The following TMEM201 variants were observed in gnomAD, a reference collection of about 807,000 sequenced individuals.
TMEM201 encodes transmembrane protein 201, also known as RP13-15M17.2.
A neutral mutation model predicts 63.4 loss-of-function variants in TMEM201; 26 were observed. The observed-to-expected ratio is 0.41, with a 90% CI of 0.30 to 0.57. The LOEUF (loss-of-function observed/expected upper bound fraction) is 0.57. Among genes scored for constraint, TMEM201 ranks in the 20% least tolerant of loss-of-function variants. The probability of loss-of-function intolerance (pLI) is 0.29; values close to 1 mark genes in which losing one functional copy is unlikely to be tolerated. For synonymous variants in TMEM201, 417 were observed against 421.6 expected (o/e 0.99, Z 0.14); for missense variants, 794 against 917.7 (o/e 0.87, Z 1.74).
intron 7 of TMEM201, 109 bp from the exon 8 acceptor site, chr1:9,609,731 C>G (rs1644294801): frequency 9.2e-7 from 1 of 1,088,050 alleles, no homozygotes; most frequent in African/African-American, 1.6e-5. Flanking sequence ...TCCATGAAAG[C>G]ACATTTGTAA....
Position 9,601,070 on chromosome 1 carries a change from C to G in TMEM201, c.607-35C>G, listed in dbSNP as rs144444161. The G allele has an allele frequency of 1.8e-3, 2,801 of 1,543,418 alleles. 38 individuals are homozygous for G. The African/African-American group carries it at 0.033, about 18-fold the overall frequency. Reference sequence around the variant, plus strand: ...TGATGGCTGGGGGTGGCTCTGTGGCCGTCTCACTAACCCGCCTCTCTTCCT... The same window carrying G: ...TGATGGCTGGGGGTGGCTCTGTGGCGGTCTCACTAACCCGCCTCTCTTCCT... On this transcript the variant is annotated intron_variant, in intron 4 of 10. Coordinates refer to ENST00000340381, the MANE Select transcript of TMEM201 (RefSeq NM_001130924.3).
chr1:9,601,777 C>T (rs181779947), intron 5 of TMEM201, among the ~76,000 whole-genome samples: 1 of 152,340 alleles, frequency 6.6e-6, no homozygotes, highest in African/African-American at 2.4e-5. Flanking sequence ...CTGGGGTTCC[C>T]TGAGTGGGAG....
Position 9,607,471 on chromosome 1 carries a change from G to C in TMEM201, c.1161-86G>C. ...AGCTGAGGCCCCCACCTTGCACTGT[G>C]GGAGAGGGGTGGGACCCACTGCAAG... On this transcript the variant is annotated intron_variant, in intron 6 of 10. Coordinates refer to ENST00000340381, the MANE Select transcript of TMEM201 (RefSeq NM_001130924.3). The surrounding 1 kb of genome is among the most constrained non-coding windows in gnomAD (Gnocchi z 5.4). 1 of 1,063,558 alleles carries C rather than the reference G, an allele frequency of 9.4e-7. No individual in the cohort carries two copies. The highest frequency in any genetic ancestry group is 1.4e-6 in the Non-Finnish European group (1 of 739,866). 65.9% of individuals were successfully genotyped at this position (1,063,558 alleles called of 1,614,324 possible).
In TMEM201 at chr1:9,601,028, G is replaced by T. The variant is rs531445214; in HGVS notation, c.607-77G>T. The T allele has an allele frequency of 6.0e-6, 8 of 1,335,522 alleles. No individual in the cohort carries two copies. The African/African-American group carries it at 1.0e-4, about 17-fold the overall frequency. 82.7% of individuals were successfully genotyped at this position (1,335,522 alleles called of 1,614,324 possible). A position where few individuals can be genotyped will look rare whatever the true frequency, so the allele number is the denominator to read the frequency against. On this transcript the variant is annotated intron_variant, in intron 4 of 10. Transcript: ENST00000340381. Reference sequence around the variant, plus strand: ...AGAACATGGGTCTGGCCAGAACCCCGCACAGACTGGCACCGGTGATGGCTG... The same window carrying T: ...AGAACATGGGTCTGGCCAGAACCCCTCACAGACTGGCACCGGTGATGGCTG...
chr1:9,601,289 C>T lies in TMEM201; in HGVS notation c.791C>T (p.Thr264Ile), dbSNP rs1284208819. 1.9e-6 allele frequency: 3 copies of T among 1,610,340 alleles called. No homozygotes were observed. Among genetic ancestry groups the T allele is most frequent in the African/African-American group, 1.3e-5 (1 of 74,942 alleles). ...GGCTCAGCCACACCTGACAATGGCA[C>T]CACCCCTGGGGCCGAGGGCTGGCGG... Reference protein sequence around the residue: ...GNGSATPDNGTTPGAEGWRQL... With the variant: ...GNGSATPDNGITPGAEGWRQL... Residue 264 changes from threonine to isoleucine, a missense_variant, in exon 5 of 11, where the codon ACC becomes ATC. Physicochemically the swap from Thr to Ile is moderately conservative, Grantham distance 89 (BLOSUM62 -1). Coordinates refer to ENST00000340381, the MANE Select transcript of TMEM201 (RefSeq NM_001130924.3).
At chr1:9,602,359 T>C (rs1569940463) in intron 6 of TMEM201, 87 bp downstream of exon 6, 1 of 1,538,044 alleles carries the variant, frequency 6.5e-7, no homozygotes, top group South Asian at 1.2e-5. Flanking sequence ...CCCCTCTCTG[T>C]CCTGCCTCTT....
chr1:9,596,052 G>A (rs1361304067), intron 2 of TMEM201, 42 bp downstream of exon 2: 3 of 1,599,722 alleles, frequency 1.9e-6, no homozygotes, highest in East Asian at 4.5e-5. Flanking sequence ...ACGCGGGGGT[G>A]GGGATCTTGA....
intron 4 of TMEM201, among the ~76,000 whole-genome samples, chr1:9,600,497 G>A (rs1035224298): frequency 2.0e-5 from 3 of 152,164 alleles, no homozygotes; most frequent in Non-Finnish European, 4.4e-5. Flanking sequence ...GCTCAGATAC[G>A]CACATAATAA....
intron 1 of TMEM201, among the ~76,000 whole-genome samples, chr1:9,591,367 GC>G (rs945169631): frequency 4.6e-5 from 7 of 152,234 alleles, no homozygotes; most frequent in Middle Eastern, 6.4e-3. Flanking sequence ...CAGCTTGTCA[GC>G]CCAGCTTCAA....
chr1:9,606,596 CCAGCA>C (rs1644248901), intron 6 of TMEM201: 2 of 152,278 alleles, frequency 1.3e-5, no homozygotes. Context: ...TGCCCGCTCA[CCAGCA>C]CGTTGTCCAC....
rs1019230666 is a variant in TMEM201 at position 9,614,241 on chromosome 1, A to C, written c.*1158A>C. The C allele has an allele frequency of 6.6e-6, 1 of 152,026 alleles. No homozygotes were observed. The highest frequency in any genetic ancestry group is 1.5e-5 in the Non-Finnish European group (1 of 68,018). 9.4% of individuals were successfully genotyped at this position (152,026 alleles called of 1,614,324 possible). A position where few individuals can be genotyped will look rare whatever the true frequency, so the allele number is the denominator to read the frequency against. On this transcript the variant is annotated 3_prime_UTR_variant, in exon 11 of 11. Transcript: ENST00000340381. ...TGAGACTCACTGTGGGGCGGGAAGA[A>C]GGGTCTTCACTCTGCCATTCAGGGA...
At position 9,601,274 on chromosome 1, in the gene TMEM201, C is replaced by T. The variant is rs149027907; in HGVS notation, c.776C>T (p.Thr259Ile). Residue 259 changes from threonine to isoleucine, a missense_variant, in exon 5 of 11, where the codon ACA becomes ATA. By Grantham distance (89) the Thr-to-Ile change is moderately conservative. Transcript: ENST00000340381. ...ALPPGGNGSATPDNGTTPGAE... is the reference protein window; with the variant it reads ...ALPPGGNGSAIPDNGTTPGAE... Reference sequence around the variant, plus strand: ...CCACCTGGTGGCAATGGCTCAGCCACACCTGACAATGGCACCACCCCTGGG... The same window carrying T: ...CCACCTGGTGGCAATGGCTCAGCCATACCTGACAATGGCACCACCCCTGGG... 2 of 1,610,800 alleles carry T rather than the reference C, an allele frequency of 1.2e-6. No homozygotes were observed. Among genetic ancestry groups the T allele is most frequent in the Non-Finnish European group, 1.7e-6 (2 of 1,179,850 alleles).
rs987289810 is a variant in TMEM201, at chr1:9,603,573, T to C, written c.1160+1301T>C. On this transcript the variant is annotated intron_variant, in intron 6 of 10. Transcript: ENST00000340381. This position sits in a 1 kb window ranked among gnomAD's most constrained non-coding sequence, Gnocchi z 4.5. Reference sequence around the variant, plus strand: ...TGGCCAGGGTGTGCCAGCTCCTCTCTCCTGTGCGTTGGAACCCCGGGGGAG... The same window carrying C: ...TGGCCAGGGTGTGCCAGCTCCTCTCCCCTGTGCGTTGGAACCCCGGGGGAG... 1.0e-6 allele frequency: 1 copy of C among 985,444 alleles called. No individual in the cohort carries two copies. The highest frequency in any genetic ancestry group is 1.2e-6 in the Non-Finnish European group (1 of 829,978). The allele number at this position is 985,444 out of a possible 1,614,324, so 61.0% of individuals were successfully genotyped here. A position where few individuals can be genotyped will look rare whatever the true frequency, so the allele number is the denominator to read the frequency against.
chr1:9,602,066 C>T lies in TMEM201; in HGVS notation c.957-3C>T. On this transcript the variant is annotated splice_region_variant and splice_polypyrimidine_tract_variant and intron_variant, in intron 5 of 10. Transcript: ENST00000340381. ...TGGGGTGACCCCGCTGCTTCCCTTT[C>T]AGGCTCCGGAGGATCGATGCCTTCT... The T allele has an allele frequency of 1.9e-6, 3 of 1,608,868 alleles. No individual in the cohort carries two copies. Among genetic ancestry groups the T allele is most frequent in the Non-Finnish European group, 2.5e-6 (3 of 1,177,184 alleles).
intron 5 of TMEM201, among the ~76,000 whole-genome samples, 177 bp downstream of exon 5, chr1:9,601,631 A>G (rs1463765568): frequency 6.6e-6 from 1 of 152,102 alleles, no homozygotes; most frequent in Non-Finnish European, 1.5e-5. Context: ...GAGGCTGCAG[A>G]CGCCCTCTGA....
At position 9,604,545 on chromosome 1, in the gene TMEM201, C is replaced by G. The variant is rs1644207880; in HGVS notation, c.1160+2273C>G. ...GGAATGTGTCACCCCTGCCAGGGAA[C>G]TCTTCTCCTCGCGGGGGACTTGGGA... On this transcript the variant is annotated intron_variant, in intron 6 of 10. Transcript: ENST00000340381. The surrounding 1 kb of genome is among the most constrained non-coding windows in gnomAD (Gnocchi z 4.1). The G allele has an allele frequency of 7.1e-6, 7 of 985,370 alleles. No homozygotes were observed. Among genetic ancestry groups the G allele is most frequent in the Non-Finnish European group, 8.4e-6 (7 of 829,966 alleles). The allele number at this position is 985,370 out of a possible 1,614,324, so 61.0% of individuals were successfully genotyped here.
Position 9,613,139 on chromosome 1 carries a change from G to C in TMEM201, c.*56G>C, listed in dbSNP as rs2100533672. 1.3e-6 allele frequency: 2 copies of C among 1,518,634 alleles called. No homozygotes were observed. Among genetic ancestry groups the C allele is most frequent in the East Asian group, 2.5e-5 (1 of 40,784 alleles). 94.1% of individuals were successfully genotyped at this position (1,518,634 alleles called of 1,614,324 possible). ...ACCCGGTGCCTGCTGCTTCACCACT[G>C]CCGGCCTCAGGACCCTCCCTGGAGG... On this transcript the variant is annotated 3_prime_UTR_variant, in exon 11 of 11. Coordinates refer to ENST00000340381, the MANE Select transcript of TMEM201 (RefSeq NM_001130924.3).
chr1:9,605,752 A>G lies in TMEM201; in HGVS notation c.1161-1805A>G, dbSNP rs942175582. On this transcript the variant is annotated intron_variant, in intron 6 of 10. Coordinates refer to ENST00000340381, the MANE Select transcript of TMEM201 (RefSeq NM_001130924.3). The surrounding 1 kb of genome is among the most constrained non-coding windows in gnomAD (Gnocchi z 5.7). Reference sequence around the variant, plus strand: ...AGATTCAGCCTTTAAGCACTGAGGCAGCCCCGGGTGGTGTGAGCAGGAGCT... The same window carrying G: ...AGATTCAGCCTTTAAGCACTGAGGCGGCCCCGGGTGGTGTGAGCAGGAGCT... Among the ~76,000 whole-genome samples, 1 of 152,236 alleles carries G rather than the reference A, an allele frequency of 6.6e-6. No individual in the cohort carries two copies. The highest frequency in any genetic ancestry group is 1.5e-5 in the Non-Finnish European group (1 of 68,036).
At chr1:9,595,862 G>T in intron 1 of TMEM201, 28 bp from the exon 2 acceptor site, 1 of 1,611,424 alleles carries the variant, frequency 6.2e-7, no homozygotes. Flanking sequence ...GGTCTTCCAG[G>T]CCAACCCGCT....
Sources: allele counts gnomAD v4.1 joint callset (sites outside exome capture counted in the v4.1 genomes callset), GRCh38; gene constraint gnomAD v4.1.1; non-coding constraint Gnocchi (gnomAD v3.1); transcripts MANE v1.5; gene names NCBI Gene and HGNC (gene_info 2026-07-23, HGNC 2026-07-21).